The following DMD variants were observed in gnomAD, a reference collection of about 807,000 sequenced individuals.
The protein encoded by DMD is mutant dystrophin.
In DMD, 63 loss-of-function variants were observed where a neutral mutation model predicts 330.1. The ratio of observed to expected loss-of-function variants is 0.19; its 90% CI spans 0.16 to 0.24. The LOEUF (loss-of-function observed/expected upper bound fraction) is 0.24. Ranked by LOEUF, DMD falls within the 10% of genes least tolerant of loss-of-function variation. DMD has a pLI of 1.00. For synonymous variants in DMD, 1,223 were observed against 959.8 expected (o/e 1.27, Z -5.07); for missense variants, 3,344 against 2,684.1 (o/e 1.25, Z -5.43).
At chrX:31,221,171 C>T (rs1458256760) in intron 64 of DMD, among the ~76,000 whole-genome samples, 1 of 110,846 alleles carries the variant, frequency 9.0e-6, no homozygotes, top group African/African-American at 3.3e-5. Flanking sequence ...CTGTCACTCC[C>T]ACATCGCACC....
rs55752684 is a variant in DMD, at chrX:31,473,711, C to CAAAAAAAAAAAAAAAAAAAAA, written c.8937+4394_8937+4395insTTTTTTTTTTTTTTTTTTTTT. 4.5e-4 allele frequency among the ~76,000 whole-genome samples: 18 copies of CAAAAAAAAAAAAAAAAAAAAA among 40,131 alleles called. 1 individual carries two copies. The highest frequency in any genetic ancestry group is 1.4e-3 in the African/African-American group (16 of 11,172). 34.8% of individuals were successfully genotyped at this position (40,131 alleles called of 115,157 possible). ...CTGGTGACAGAGTGAGACTCTGTCTCAAAAAAAAAAAAAAAAAGAAAACAA... is the reference window on the plus strand; with the variant it reads ...CTGGTGACAGAGTGAGACTCTGTCTCAAAAAAAAAAAAAAAAAAAAAAAAAAAAAAAAAAAAAAGAAAACAA... On this transcript the variant is annotated intron_variant, in intron 59 of 78. Transcript: ENST00000357033.
chrX:33,203,569 T>C (rs1041895473), intron 1 of DMD, among the ~76,000 whole-genome samples: 2 of 111,271 alleles, frequency 1.8e-5, no homozygotes, highest in African/African-American at 3.3e-5. Flanking sequence ...TCCTCATTCA[T>C]GAAGTCATTA....
chrX:32,154,322 G>C (rs1277694914), intron 44 of DMD, among the ~76,000 whole-genome samples: 2 of 111,654 alleles, frequency 1.8e-5, no homozygotes, highest in African/African-American at 6.5e-5. Context: ...TTACTGAAAG[G>C]AAAACCTCAC....
chrX:32,799,342 T>C (rs1230588931), intron 7 of DMD, among the ~76,000 whole-genome samples: 1 of 111,490 alleles, frequency 9.0e-6, no homozygotes, highest in Non-Finnish European at 1.9e-5. Flanking sequence ...CTAGTGTCCT[T>C]CCTTTTTTGG....
intron 1 of DMD, among the ~76,000 whole-genome samples, chrX:33,162,108 C>T (rs1314060971): frequency 1.8e-5 from 2 of 111,718 alleles, no homozygotes; most frequent in African/African-American, 6.5e-5. Flanking sequence ...CCACAGCTAA[C>T]ACCTGCTAGA....
chrX:31,302,815 C>T (rs777100241), intron 62 of DMD, among the ~76,000 whole-genome samples: 1 of 111,242 alleles, frequency 9.0e-6, no homozygotes, highest in Non-Finnish European at 1.9e-5. Flanking sequence ...CAAAGAAGAC[C>T]TCTGACAAGC....
chrX:32,408,865 CATCTATCT>C (rs10559613), intron 30 of DMD, among the ~76,000 whole-genome samples: 2,160 of 96,894 alleles, frequency 0.022, 39 homozygotes, highest in African/African-American at 0.043. Context: ...TTCTTTCTTT[CATCTATCT>C]ATCTATCTAT....
At chrX:31,689,603 G>T (rs1271565685) in intron 52 of DMD, among the ~76,000 whole-genome samples, 2 of 111,327 alleles carry the variant, frequency 1.8e-5, no homozygotes, top group Non-Finnish European at 1.9e-5. Flanking sequence ...TTTCTTCACA[G>T]AATTGGAAAA....
intron 42 of DMD, among the ~76,000 whole-genome samples, chrX:32,302,375 G>T (rs901953385): frequency 8.1e-5 from 9 of 111,072 alleles, no homozygotes; most frequent in Admixed American, 6.7e-4. Flanking sequence ...CTTACAATGG[G>T]TTTATCTGGA....
In DMD at chrX:32,456,578, T is replaced by TTG. The variant is rs60876331; in HGVS notation, c.3433-1748_3433-1747dup. The stretch of plus-strand genomic sequence containing the variant: ...AAAACTATACATTCACATACATACT[T>TTG]TGTGTGTGTGTGTGTGTGTGTGTGT... On this transcript the variant is annotated intron_variant, in intron 25 of 78. Transcript: ENST00000357033. Among the ~76,000 whole-genome samples the TTG allele has an allele frequency of 9.2e-3, 823 of 89,489 alleles. 11 individuals carry two copies. Among genetic ancestry groups the TTG allele is most frequent in the African/African-American group, 0.021 (517 of 24,682 alleles). The allele number at this position is 89,489 out of a possible 115,157, so 77.7% of individuals were successfully genotyped here. A position where few individuals can be genotyped will look rare whatever the true frequency, so the allele number is the denominator to read the frequency against.
At chrX:33,227,948 G>T in intron 1 of DMD, among the ~76,000 whole-genome samples, 1 of 110,722 alleles carries the variant, frequency 9.0e-6, no homozygotes, top group Non-Finnish European at 1.9e-5. Context: ...TTTCACAAAT[G>T]GATTGAATTT....
chrX:32,367,123 T>G (rs952574573), intron 34 of DMD, among the ~76,000 whole-genome samples: 5 of 112,061 alleles, frequency 4.5e-5, no homozygotes, highest in Non-Finnish European at 5.6e-5. Flanking sequence ...AGTCTCTCAT[T>G]TGGGTAGATA....
intron 1 of DMD, among the ~76,000 whole-genome samples, chrX:33,217,948 A>G (rs1429505041): frequency 2.7e-5 from 3 of 111,364 alleles, no homozygotes; most frequent in Non-Finnish European, 5.7e-5. Flanking sequence ...TTTTTACACT[A>G]GCTAGAACTT....
At chrX:33,257,103 G>A (rs2148901489) in intron 1 of DMD, among the ~76,000 whole-genome samples, 1 of 110,614 alleles carries the variant, frequency 9.0e-6, no homozygotes, top group Non-Finnish European at 1.9e-5. Context: ...AGACCGAGAA[G>A]GGAAAATGTG....
At chrX:32,096,195 C>T (rs951866578) in intron 44 of DMD, among the ~76,000 whole-genome samples, 1 of 111,852 alleles carries the variant, frequency 8.9e-6, no homozygotes, top group Non-Finnish European at 1.9e-5. Flanking sequence ...TAATCATCCC[C>T]CAAACCTCAC....
At chrX:32,554,935 A>AAGAG (rs2050111060) in intron 16 of DMD, among the ~76,000 whole-genome samples, 1 of 28,287 alleles carries the variant, frequency 3.5e-5, no homozygotes, top group Non-Finnish European at 5.3e-5. Context: ...GAAAGAAAGA[A>AAGAG]AGAAAGAGAG....
chrX:31,664,617 C>G (rs953128677), intron 53 of DMD, among the ~76,000 whole-genome samples: 1 of 94,295 alleles, frequency 1.1e-5, no homozygotes, highest in African/African-American at 4.1e-5. Flanking sequence ...TGGTCCTCAA[C>G]TGGAGCAGGA....
At chrX:32,663,527 G>C (rs779581710) in intron 9 of DMD, among the ~76,000 whole-genome samples, 4 of 111,624 alleles carry the variant, frequency 3.6e-5, no homozygotes, top group African/African-American at 1.3e-4. Flanking sequence ...ATTTTATAGA[G>C]AAGAGCTTGA....
At chrX:32,205,005 T>TCTCTCTCTCTCTCTCACACACACA (rs60181300) in intron 44 of DMD, among the ~76,000 whole-genome samples, 1 of 29,224 alleles carries the variant, frequency 3.4e-5, no homozygotes, top group Non-Finnish European at 7.2e-5. Flanking sequence ...TCTCTCTCTC[T>TCTCTCTCTCTCTCTCACACACACA]CACATACACA....
Sources: gnomAD v4.1 joint callset for allele counts (sites outside exome capture counted in the v4.1 genomes callset) on GRCh38, gnomAD v4.1.1 for gene constraint, MANE v1.5 for transcripts, NCBI Gene and HGNC (gene_info 2026-07-23, HGNC 2026-07-21) for gene names.